RUNX2: variants seen among roughly 807,000 people sequenced by gnomAD.
RUNX2 encodes RUNX family transcription factor 2, also known as runt-related transcription factor 2.
A neutral mutation model predicts 51.7 loss-of-function variants in RUNX2; 10 were observed. The observed-to-expected ratio is 0.19, with a 90% confidence interval of 0.12 to 0.33. The LOEUF (loss-of-function observed/expected upper bound fraction) is 0.33. Ranked by LOEUF, RUNX2 falls within the 10% of genes least tolerant of loss-of-function variation. The pLI is 1.00. For missense variants in RUNX2, 562 were observed against 691.3 expected (o/e 0.81, Z 2.10); for synonymous variants, 276 against 273.6 (o/e 1.01, Z -0.09).
intron 7 of RUNX2, among the ~76,000 whole-genome samples, chr6:45,519,790 ATGTGTGTGTGTGTGTGTG>A (rs35210688): frequency 0.1 from 12,458 of 124,086 alleles, 705 homozygotes; most frequent in East Asian, 0.2. Context: ...ATATATATAT[ATGTGTGTGTGTGTGTGTG>A]TGTGTGTGTG....
chr6:45,497,842 G>A (rs1330043447), intron 6 of RUNX2, among the ~76,000 whole-genome samples: 1 of 152,074 alleles, frequency 6.6e-6, no homozygotes, highest in African/African-American at 2.4e-5. Flanking sequence ...GAATAAATGG[G>A]GTCACTGACC....
intron 2 of RUNX2, among the ~76,000 whole-genome samples, chr6:45,405,555 G>A (rs1158854418): frequency 1.2e-4 from 19 of 152,174 alleles, no homozygotes; most frequent in African/African-American, 4.3e-4. Flanking sequence ...TTGGGAGGCC[G>A]AGGCAGGGGG....
chr6:45,408,147 G>C lies in RUNX2; in HGVS notation c.59-14446G>C, dbSNP rs571648182. 2.5e-4 allele frequency among the ~76,000 whole-genome samples: 38 copies of C among 151,760 alleles called. 1 individual carries two copies. Among genetic ancestry groups the C allele is most frequent in the African/African-American group, 8.0e-4 (33 of 41,426 alleles). On this transcript the variant is annotated intron_variant, in intron 2 of 8. Coordinates refer to ENST00000647337, the MANE Select transcript of RUNX2 (RefSeq NM_001024630.4). ...TGATTAATGGAGGCTCTGTGTGGAG[G>C]CCAGGAGATTTTTATTTTTATTTTT...
chr6:45,531,985 G>A (rs1254997206), intron 7 of RUNX2, among the ~76,000 whole-genome samples: 2 of 152,074 alleles, frequency 1.3e-5, no homozygotes, highest in Non-Finnish European at 2.9e-5. Context: ...AGCCTGAAGT[G>A]TTAGTTTTAA....
At chr6:45,431,154 T>A (rs987364796) in intron 3 of RUNX2, among the ~76,000 whole-genome samples, 1 of 152,224 alleles carries the variant, frequency 6.6e-6, no homozygotes, top group Non-Finnish European at 1.5e-5. Context: ...CATTCCAGGA[T>A]GGCAGATGGG....
chr6:45,423,361 C>G (rs953211242), intron 3 of RUNX2, among the ~76,000 whole-genome samples: 1 of 152,154 alleles, frequency 6.6e-6, no homozygotes, highest in Non-Finnish European at 1.5e-5. Flanking sequence ...CGAGGATCCC[C>G]GGCATTGTCC....
chr6:45,433,783 T>A (rs1364758046), intron 4 of RUNX2, among the ~76,000 whole-genome samples: 1 of 152,114 alleles, frequency 6.6e-6, no homozygotes, highest in Non-Finnish European at 1.5e-5. Flanking sequence ...GCAATTTTTA[T>A]ATTTAAAAAA....
rs138566129 is a variant in RUNX2, at chr6:45,506,729, C to A, written c.860-5517C>A. Among the ~76,000 whole-genome samples the A allele has an allele frequency of 6.9e-3, 1,047 of 152,264 alleles. 11 individuals are homozygous for A. Among genetic ancestry groups the A allele is most frequent in the African/African-American group, 0.024 (1,001 of 41,558 alleles). On this transcript the variant is annotated intron_variant, in intron 6 of 8. Coordinates refer to ENST00000647337, the MANE Select transcript of RUNX2 (RefSeq NM_001024630.4). ...GGAGTACAGTGGCGTGACTCAGTGC[C>A]TCCCAGGCTCAAATGATCCTCCCTC... is the stretch of plus-strand genomic sequence containing the variant.
chr6:45,417,982 C>T (rs1467241849), intron 2 of RUNX2, among the ~76,000 whole-genome samples: 1 of 152,178 alleles, frequency 6.6e-6, no homozygotes, highest in Non-Finnish European at 1.5e-5. Context: ...GCTGAGTAAC[C>T]TTCTGTCAAT....
intron 3 of RUNX2, among the ~76,000 whole-genome samples, chr6:45,428,482 C>T (rs954009006): frequency 1.2e-4 from 18 of 152,088 alleles, no homozygotes; most frequent in Admixed American, 1.2e-3. Context: ...ATATATTTAG[C>T]CATTAAACTA....
At chr6:45,401,751 C>T (rs1338751676) in intron 2 of RUNX2, among the ~76,000 whole-genome samples, 1 of 152,228 alleles carries the variant, frequency 6.6e-6, no homozygotes, top group African/African-American at 2.4e-5. Flanking sequence ...CATACAAATG[C>T]CAGTACATCT....
chr6:45,370,420 TAA>T (rs1795868394), intron 2 of RUNX2, among the ~76,000 whole-genome samples: 1 of 152,118 alleles, frequency 6.6e-6, no homozygotes, highest in Non-Finnish European at 1.5e-5. Flanking sequence ...GGGCCTATGT[TAA>T]GTTTGAGACA....
chr6:45,365,594 T>G (rs1474562110), intron 2 of RUNX2, among the ~76,000 whole-genome samples: 3 of 150,284 alleles, frequency 2.0e-5, no homozygotes, highest in Non-Finnish European at 4.4e-5. Flanking sequence ...CATATTTTAC[T>G]AGAGCTCATT....
intron 2 of RUNX2, 99 bp downstream of exon 2, chr6:45,328,883 A>T: frequency 2.5e-6 from 3 of 1,200,774 alleles, no homozygotes; most frequent in Non-Finnish European, 3.7e-6. Context: ...ATAGCATATT[A>T]AAGATCCTAA....
chr6:45,436,403 A>G (rs1431001552), intron 4 of RUNX2, among the ~76,000 whole-genome samples: 1 of 152,108 alleles, frequency 6.6e-6, no homozygotes, highest in Non-Finnish European at 1.5e-5. Flanking sequence ...AAGTCTCTTG[A>G]GGCTTCAGCC....
intron 2 of RUNX2, among the ~76,000 whole-genome samples, chr6:45,348,767 A>G (rs755004477): frequency 5.9e-5 from 9 of 152,008 alleles, no homozygotes; most frequent in Non-Finnish European, 8.8e-5. Context: ...CACATTACCT[A>G]TTTAGTGATG....
chr6:45,348,101 C>T (rs752204099), intron 2 of RUNX2, among the ~76,000 whole-genome samples: 5 of 151,718 alleles, frequency 3.3e-5, no homozygotes, highest in East Asian at 1.9e-4. Context: ...ATAGTTTTTA[C>T]GTTAAAAGCA....
At chr6:45,452,017 T>C (rs1027666698) in intron 5 of RUNX2, among the ~76,000 whole-genome samples, 1 of 152,242 alleles carries the variant, frequency 6.6e-6, no homozygotes, top group Non-Finnish European at 1.5e-5. Flanking sequence ...ATCTGCCATA[T>C]GATCAAAAAA....
chr6:45,401,246 T>G (rs1797708527), intron 2 of RUNX2, among the ~76,000 whole-genome samples: 1 of 152,248 alleles, frequency 6.6e-6, no homozygotes, highest in South Asian at 2.1e-4. Context: ...TATCTTCTAC[T>G]AACCACAATC....
Sources: gnomAD v4.1 joint callset for allele counts (sites outside exome capture counted in the v4.1 genomes callset) on GRCh38, gnomAD v4.1.1 for gene constraint, MANE v1.5 for transcripts, NCBI Gene and HGNC (gene_info 2026-07-23, HGNC 2026-07-21) for gene names.